Variants in GABRG3 observed in about 807,000 individuals in gnomAD.
GABRG3 encodes gamma-aminobutyric acid receptor subunit gamma-3.
GABRG3 carries 25 observed loss-of-function variants against 48.8 expected under a neutral mutation model. That is an observed-to-expected ratio of 0.51 (90% CI 0.37 to 0.72). The LOEUF is 0.72. GABRG3 is among the 30% of genes least tolerant of loss of function. The probability of loss-of-function intolerance (pLI) is 0.00; values close to 1 mark genes in which losing one functional copy is unlikely to be tolerated. For synonymous variants in GABRG3, 227 were observed against 217.6 expected (o/e 1.04, Z -0.38); for missense variants, 394 against 577.9 (o/e 0.68, Z 3.26).
chr15:27,211,607 G>T (rs1889082495), intron 3 of GABRG3, among the ~76,000 whole-genome samples: 1 of 152,122 alleles, frequency 6.6e-6, no homozygotes, highest in African/African-American at 2.4e-5. Flanking sequence ...TCCTTTTACT[G>T]AATTGATAGT....
At chr15:27,327,179 T>A (rs1253322638) in intron 4 of GABRG3, 150 bp downstream of exon 4, 3 of 669,554 alleles carry the variant, frequency 4.5e-6, no homozygotes, top group East Asian at 2.7e-5. Context: ...TCTGCCCTCA[T>A]GCAACATGTG....
intron 3 of GABRG3, among the ~76,000 whole-genome samples, chr15:27,036,869 G>A (rs1168006466): frequency 6.6e-6 from 1 of 152,100 alleles, no homozygotes; most frequent in Non-Finnish European, 1.5e-5. Context: ...TCATCCTCCA[G>A]TTCCTTAGAA....
At chr15:27,169,707 C>T (rs1777339517) in intron 3 of GABRG3, among the ~76,000 whole-genome samples, 1 of 152,098 alleles carries the variant, frequency 6.6e-6, no homozygotes, top group Admixed American at 6.5e-5. Flanking sequence ...ATACCACGGG[C>T]AGGGAGGCTT....
At chr15:27,411,834 G>A (rs1479629511) in intron 5 of GABRG3, among the ~76,000 whole-genome samples, 1 of 152,044 alleles carries the variant, frequency 6.6e-6, no homozygotes, top group Non-Finnish European at 1.5e-5. Context: ...TTTATGTACT[G>A]ATGGCTACAC....
chr15:27,138,953 A>G (rs1898056043), intron 3 of GABRG3, among the ~76,000 whole-genome samples: 1 of 152,092 alleles, frequency 6.6e-6, no homozygotes, highest in Non-Finnish European at 1.5e-5. Flanking sequence ...TGGGTACTGT[A>G]TAACTCAGGG....
chr15:27,306,557 A>G (rs1295325045), intron 3 of GABRG3, among the ~76,000 whole-genome samples: 1 of 48,074 alleles, frequency 2.1e-5, no homozygotes, highest in Admixed American at 2.1e-4. Flanking sequence ...AAACATATAT[A>G]ATATAAACAT....
At chr15:27,450,508 T>C (rs968794478) in intron 5 of GABRG3, among the ~76,000 whole-genome samples, 1 of 152,052 alleles carries the variant, frequency 6.6e-6, no homozygotes, top group Non-Finnish European at 1.5e-5. Flanking sequence ...TGCCAAAAAT[T>C]CAACATATTT....
chr15:27,284,173 T>G (rs545307864), intron 3 of GABRG3, among the ~76,000 whole-genome samples: 19 of 152,290 alleles, frequency 1.2e-4, no homozygotes, highest in African/African-American at 3.1e-4. Flanking sequence ...CCTGATAAAA[T>G]AAATGACAAA....
At chr15:27,393,168 C>T (rs1031276256) in intron 5 of GABRG3, among the ~76,000 whole-genome samples, 1 of 151,886 alleles carries the variant, frequency 6.6e-6, no homozygotes, top group African/African-American at 2.4e-5. Flanking sequence ...CACGGTGAAA[C>T]CCCATCTCTA....
At chr15:27,505,148 A>G (rs922291436) in intron 6 of GABRG3, among the ~76,000 whole-genome samples, 2 of 151,904 alleles carry the variant, frequency 1.3e-5, no homozygotes, top group Non-Finnish European at 2.9e-5. Flanking sequence ...TGTTTTTTTT[A>G]TGACCTTGAC....
chr15:27,497,223 T>C (rs764677282), intron 6 of GABRG3, among the ~76,000 whole-genome samples: 16 of 152,236 alleles, frequency 1.1e-4, no homozygotes, highest in Non-Finnish European at 1.9e-4. Flanking sequence ...CACTGGTTTA[T>C]ATTTAAGTGA....
chr15:27,272,914 T>C (rs1566989144), intron 3 of GABRG3, among the ~76,000 whole-genome samples: 1 of 152,316 alleles, frequency 6.6e-6, no homozygotes, highest in East Asian at 1.9e-4. Flanking sequence ...CATTGAAAGA[T>C]TCTGTCATAT....
At chr15:27,157,255 A>G (rs936742468) in intron 3 of GABRG3, among the ~76,000 whole-genome samples, 1 of 152,206 alleles carries the variant, frequency 6.6e-6, no homozygotes, top group Non-Finnish European at 1.5e-5. Context: ...AACTCATAAG[A>G]TTTATCTAGC....
At chr15:27,158,664 G>A (rs894328914) in intron 3 of GABRG3, among the ~76,000 whole-genome samples, 2 of 152,062 alleles carry the variant, frequency 1.3e-5, no homozygotes, top group Non-Finnish European at 2.9e-5. Context: ...TGTGCCAAGG[G>A]TTAGAATAAA....
At chr15:27,228,605 G>A (rs1215756464) in intron 3 of GABRG3, among the ~76,000 whole-genome samples, 1 of 152,160 alleles carries the variant, frequency 6.6e-6, no homozygotes, top group Admixed American at 6.5e-5. Flanking sequence ...TGCGTTGAAT[G>A]GTCGTTCTGC....
chr15:27,405,625 G>T (rs75632934), intron 5 of GABRG3, among the ~76,000 whole-genome samples: 3 of 152,070 alleles, frequency 2.0e-5, no homozygotes, highest in African/African-American at 7.2e-5. Context: ...AATACATCTT[G>T]TACTAGTGAA....
chr15:27,120,457 T>C (rs911276932), intron 3 of GABRG3, among the ~76,000 whole-genome samples: 2 of 152,190 alleles, frequency 1.3e-5, no homozygotes, highest in African/African-American at 2.4e-5. Flanking sequence ...GGATGCATAC[T>C]CTTGTTGACT....
intron 5 of GABRG3, among the ~76,000 whole-genome samples, chr15:27,471,871 T>A (rs1207225578): frequency 1.3e-5 from 2 of 152,224 alleles, no homozygotes; most frequent in South Asian, 4.1e-4. Flanking sequence ...TAGAGTTTTA[T>A]AATAGTTAAT....
At chr15:27,387,344 T>G (rs1895953816) in intron 5 of GABRG3, among the ~76,000 whole-genome samples, 1 of 152,170 alleles carries the variant, frequency 6.6e-6, no homozygotes, top group South Asian at 2.1e-4. Context: ...ATCTATTGTT[T>G]TAGCAAGAAA....
Sources: gnomAD v4.1 joint callset for allele counts (sites outside exome capture counted in the v4.1 genomes callset) on GRCh38, gnomAD v4.1.1 for gene constraint, MANE v1.5 for transcripts, NCBI Gene and HGNC (gene_info 2026-07-23, HGNC 2026-07-21) for gene names.